Variants in SPEF2 observed in about 807,000 individuals in gnomAD.
SPEF2 encodes sperm flagella and cilia-associated protein 2.
In SPEF2, 187 loss-of-function variants were observed where a neutral mutation model predicts 224.6. The observed-to-expected ratio is 0.83, with a 90% CI of 0.74 to 0.94. The LOEUF is 0.94. SPEF2 is among the 40% of genes least tolerant of loss of function. SPEF2 has a pLI of 0.00. For synonymous variants in SPEF2, 715 were observed against 707.3 expected (o/e 1.01, Z -0.17); for missense variants, 2,170 against 2,135.6 (o/e 1.02, Z -0.32).
chr5:35,745,972 A>C (rs1175843734), intron 23 of SPEF2, among the ~76,000 whole-genome samples: 2 of 152,142 alleles, frequency 1.3e-5, no homozygotes, highest in Non-Finnish European at 2.9e-5. Context: ...TGGCTGGGAG[A>C]CCCATAGACA....
intron 2 of SPEF2, among the ~76,000 whole-genome samples, chr5:35,639,013 G>A (rs1191235533): frequency 6.6e-6 from 1 of 152,092 alleles, no homozygotes; most frequent in Non-Finnish European, 1.5e-5. Context: ...GTCCCCATCT[G>A]GCTGGAAATG....
chr5:35,653,831 C>G (rs1432908028), intron 6 of SPEF2, among the ~76,000 whole-genome samples: 1 of 150,866 alleles, frequency 6.6e-6, no homozygotes, highest in East Asian at 1.9e-4. Context: ...CCTGTAGTCC[C>G]AGCTACTCGG....
chr5:35,771,545 A>G, intron 26 of SPEF2, 64 bp from the exon 27 acceptor site: 1 of 1,560,140 alleles, frequency 6.4e-7, no homozygotes, highest in Middle Eastern at 1.9e-4. Context: ...TAATGACTAC[A>G]TCCAAATGGT....
chr5:35,669,724 T>G (rs559165294), intron 9 of SPEF2, among the ~76,000 whole-genome samples: 1 of 152,214 alleles, frequency 6.6e-6, no homozygotes, highest in Non-Finnish European at 1.5e-5. Context: ...TCCTTAATTC[T>G]CAGCTCTGAT....
chr5:35,694,043 A>G (rs1754916833), intron 12 of SPEF2, among the ~76,000 whole-genome samples: 2 of 152,218 alleles, frequency 1.3e-5, no homozygotes, highest in African/African-American at 4.8e-5. Context: ...ATTGAAGACC[A>G]TTCAAAAGAC....
At chr5:35,807,028 A>G (rs984009254) in intron 35 of SPEF2, 76 bp downstream of exon 35, 53 of 1,558,892 alleles carry the variant, frequency 3.4e-5, no homozygotes, top group Non-Finnish European at 4.2e-5. Flanking sequence ...AAAATATATC[A>G]TAGTATGAAA....
At chr5:35,782,016 C>T (rs1389712839) in intron 30 of SPEF2, among the ~76,000 whole-genome samples, 1 of 152,154 alleles carries the variant, frequency 6.6e-6, no homozygotes, top group Non-Finnish European at 1.5e-5. Context: ...AACTGCCACT[C>T]ACCCCTTTTC....
At chr5:35,657,708 C>T (rs1749146659) in intron 7 of SPEF2, among the ~76,000 whole-genome samples, 1 of 152,168 alleles carries the variant, frequency 6.6e-6, no homozygotes, top group South Asian at 2.1e-4. Flanking sequence ...TGTTAAAGTA[C>T]TTCATAGGCA....
rs1747871922 is a variant in SPEF2 at position 35,649,411 on chromosome 5, C to G, written c.777C>G (p.Leu259=). Reference sequence around the variant, plus strand: ...TCGAAGCATTAATAAAAAAGGATCTCCAAGCAAAAGAAAGGTGAGATGTGA... The same window carrying G: ...TCGAAGCATTAATAAAAAAGGATCTGCAAGCAAAAGAAAGGTGAGATGTGA... ...KKFEALIKKD[L]QAKESASKTS... Residue 259 remains leucine, a synonymous_variant, in exon 6 of 37, where the codon CTC becomes CTG. Coordinates refer to ENST00000356031, the MANE Select transcript of SPEF2 (RefSeq NM_024867.4). The G allele has an allele frequency of 1.2e-6, 2 of 1,611,066 alleles. No homozygotes were observed. Among genetic ancestry groups the G allele is most frequent in the South Asian group, 1.1e-5 (1 of 90,458 alleles).
At chr5:35,756,416 G>A (rs73086261) in intron 24 of SPEF2, among the ~76,000 whole-genome samples, 6,112 of 152,148 alleles carry the variant, frequency 0.04, 372 homozygotes, top group African/African-American at 0.12. Context: ...AGAACTGAAG[G>A]GAGCCTTATT....
At chr5:35,786,188 C>A (rs1360928487) in intron 30 of SPEF2, among the ~76,000 whole-genome samples, 1 of 152,064 alleles carries the variant, frequency 6.6e-6, no homozygotes, top group Non-Finnish European at 1.5e-5. Context: ...TGAGCAGCCC[C>A]CAGGTGTAGT....
chr5:35,784,080 A>G (rs572506931), intron 30 of SPEF2, among the ~76,000 whole-genome samples: 23 of 152,174 alleles, frequency 1.5e-4, no homozygotes, highest in Non-Finnish European at 2.6e-4. Flanking sequence ...ACATTGCTCT[A>G]AGAAGCTGAC....
At chr5:35,799,154 T>C (rs918918169) in intron 33 of SPEF2, among the ~76,000 whole-genome samples, 1 of 152,284 alleles carries the variant, frequency 6.6e-6, no homozygotes, top group Non-Finnish European at 1.5e-5. Flanking sequence ...CAGCACCATA[T>C]ACTTAACCAG....
intron 28 of SPEF2, among the ~76,000 whole-genome samples, chr5:35,774,340 A>G (rs1753301426): frequency 6.6e-6 from 1 of 152,218 alleles, no homozygotes; most frequent in Non-Finnish European, 1.5e-5. Flanking sequence ...CAGAAACAAA[A>G]GAAAATGTTG....
intron 26 of SPEF2, among the ~76,000 whole-genome samples, chr5:35,770,648 A>G (rs1752703505): frequency 6.6e-6 from 1 of 152,176 alleles, no homozygotes. Context: ...GCTTAGCATA[A>G]TGTCCTCCAG....
intron 33 of SPEF2, among the ~76,000 whole-genome samples, chr5:35,797,433 A>G (rs1756832218): frequency 6.6e-6 from 1 of 151,844 alleles, no homozygotes; most frequent in Admixed American, 6.6e-5. Context: ...CTGAGACTCA[A>G]TGCTCAGAAG....
At position 35,727,703 on chromosome 5, in the gene SPEF2, A is replaced by T. The variant is rs1203467748; in HGVS notation, c.2943A>T (p.Gly981=). The change falls in exon 21 of 37, where the codon GGA becomes GGT. Residue 981 remains glycine (G), a synonymous_variant. Transcript: ENST00000356031. The part of the protein sequence containing the change: ...KGSPKGKSSG[G]KVPVKKSPAD... ...CTCCTAAAGGAAAATCATCAGGAGG[A>T]AAAGTACCAGTAAAGAAATCACCTG... is the stretch of plus-strand genomic sequence containing the variant. 3 of 1,613,664 alleles carry T rather than the reference A, an allele frequency of 1.9e-6. No homozygotes were observed.
intron 21 of SPEF2, among the ~76,000 whole-genome samples, chr5:35,735,712 A>G (rs1000285667): frequency 5.9e-5 from 9 of 152,284 alleles, no homozygotes; most frequent in African/African-American, 2.2e-4. Flanking sequence ...TATAATATGG[A>G]TCCTCAGCTT....
intron 20 of SPEF2, among the ~76,000 whole-genome samples, chr5:35,715,361 T>C (rs1742341035): frequency 6.6e-6 from 1 of 152,030 alleles, no homozygotes; most frequent in Non-Finnish European, 1.5e-5. Flanking sequence ...TCCATTGAAA[T>C]GAAATAAAAC....
Sources: gnomAD v4.1 joint callset for allele counts (sites outside exome capture counted in the v4.1 genomes callset) on GRCh38, gnomAD v4.1.1 for gene constraint, MANE v1.5 for transcripts, NCBI Gene and HGNC (gene_info 2026-07-23, HGNC 2026-07-21) for gene names.